The following VPS41 variants were observed in gnomAD, a reference collection of about 807,000 sequenced individuals.
The protein encoded by VPS41 is vacuolar protein sorting-associated protein 41 homolog.
In VPS41, 85 loss-of-function variants were observed where a neutral mutation model predicts 130.9. That is an observed-to-expected ratio of 0.65 (90% CI 0.55 to 0.78). The LOEUF (loss-of-function observed/expected upper bound fraction) is 0.78, where lower values mean the gene tolerates loss of function less well. VPS41 is among the 30% of genes least tolerant of loss of function. The pLI, the probability that VPS41 is intolerant of heterozygous loss-of-function variation, is 0.00. For missense variants in VPS41, 874 were observed against 1,018.7 expected, an observed-to-expected ratio of 0.86 and a Z score of 1.93; for synonymous variants, 335 against 332.9, an observed-to-expected ratio of 1.01 and a Z score of -0.07.
rs1172769231 is a variant in VPS41, at chr7:38,803,200, C to A, written c.451-6336G>T. On this transcript the variant is annotated intron_variant, in intron 7 of 28. Coordinates refer to ENST00000310301, the MANE Select transcript of VPS41 (RefSeq NM_014396.4). ...CATGTGTGGCAAGATTCTTATCAGG[C>A]TGTAATGAAGTCCCCGATTCTGGTC... 3.3e-5 allele frequency among the ~76,000 whole-genome samples: 5 copies of A among 152,210 alleles called. No homozygotes were observed. In the East Asian group the frequency reaches 9.6e-4, roughly 29 times the overall value.
At chr7:38,760,619 T>G (rs1783890601) in intron 17 of VPS41, among the ~76,000 whole-genome samples, 1 of 152,034 alleles carries the variant, frequency 6.6e-6, no homozygotes, top group South Asian at 2.1e-4. Context: ...CTCTTTCCCC[T>G]TTAAATTTTG....
At chr7:38,901,942 A>C (rs1197785906) in intron 1 of VPS41, among the ~76,000 whole-genome samples, 1 of 152,222 alleles carries the variant, frequency 6.6e-6, no homozygotes, top group Admixed American at 6.5e-5. Flanking sequence ...ACTATAATAA[A>C]GTGCTGTTGA....
At chr7:38,901,951 G>C (rs1787154920) in intron 1 of VPS41, among the ~76,000 whole-genome samples, 2 of 152,150 alleles carry the variant, frequency 1.3e-5, no homozygotes, top group African/African-American at 4.8e-5. Flanking sequence ...AAGTGCTGTT[G>C]ATCAAAGCAA....
intron 2 of VPS41, among the ~76,000 whole-genome samples, chr7:38,883,115 C>G (rs1305701984): frequency 6.6e-6 from 1 of 152,142 alleles, no homozygotes; most frequent in Non-Finnish European, 1.5e-5. Flanking sequence ...TGGTGGCATG[C>G]ACCTGTACTC....
At chr7:38,753,313 C>T (rs766471542) in intron 21 of VPS41, among the ~76,000 whole-genome samples, 2 of 152,046 alleles carry the variant, frequency 1.3e-5, no homozygotes, top group African/African-American at 4.8e-5. Context: ...CACAATGACG[C>T]CTAACCATGG....
chr7:38,825,499 C>G (rs1785253916), intron 5 of VPS41, among the ~76,000 whole-genome samples: 1 of 152,124 alleles, frequency 6.6e-6, no homozygotes, highest in Admixed American at 6.5e-5. Flanking sequence ...GAAAATCACA[C>G]TTATCTGTAA....
intron 4 of VPS41, among the ~76,000 whole-genome samples, chr7:38,834,071 G>A (rs1242010079): frequency 6.6e-6 from 1 of 150,394 alleles, no homozygotes; most frequent in African/African-American, 2.5e-5. Flanking sequence ...GCTACAAAAA[G>A]TTTTTGATGA....
At chr7:38,816,891 A>T (rs1451717280) in intron 7 of VPS41, among the ~76,000 whole-genome samples, 1 of 152,074 alleles carries the variant, frequency 6.6e-6, no homozygotes, top group Non-Finnish European at 1.5e-5. Flanking sequence ...GACTAGAGGC[A>T]TACCACCACA....
chr7:38,901,652 A>G (rs147420220), intron 1 of VPS41, among the ~76,000 whole-genome samples: 326 of 152,264 alleles, frequency 2.1e-3, no homozygotes, highest in Non-Finnish European at 2.9e-3. Flanking sequence ...GGGGAACATG[A>G]GATTTTAGGT....
At chr7:38,761,976 A>C (rs781532953) in intron 17 of VPS41, among the ~76,000 whole-genome samples, 3 of 152,176 alleles carry the variant, frequency 2.0e-5, no homozygotes, top group Non-Finnish European at 4.4e-5. Context: ...ACCATTAATA[A>C]TAATGCTCAG....
intron 25 of VPS41, among the ~76,000 whole-genome samples, chr7:38,735,510 C>A (rs1295629162): frequency 3.3e-5 from 5 of 151,542 alleles, no homozygotes. Context: ...TGTGTGTGTA[C>A]ATGTGTATAT....
chr7:38,810,418 C>G (rs780657844), intron 7 of VPS41, among the ~76,000 whole-genome samples: 1 of 152,014 alleles, frequency 6.6e-6, no homozygotes. Context: ...AAAGTATGTT[C>G]TAATTACTTT....
rs534249813 is a variant in VPS41 at position 38,758,271 on chromosome 7, C to T, written c.1550+83G>A. 34 of 1,288,874 alleles carry T rather than the reference C, an allele frequency of 2.6e-5. No individual in the cohort carries two copies. In the South Asian group the frequency reaches 5.1e-4, roughly 19 times the overall value. The allele number at this position is 1,288,874 out of a possible 1,614,324, so 79.8% of individuals were successfully genotyped here. A position where few individuals can be genotyped will look rare whatever the true frequency, so the allele number is the denominator to read the frequency against. ...AAAATGGTATAAAATACATCTTCTC[C>T]ACTTGGAGTTTGCCAAATCTAAAGT... On this transcript the variant is annotated intron_variant, in intron 18 of 28. Transcript: ENST00000310301.
intron 10 of VPS41, 52 bp from the exon 11 acceptor site, chr7:38,776,828 A>T (rs754507279): frequency 2.9e-6 from 3 of 1,025,240 alleles, no homozygotes; most frequent in East Asian, 4.8e-5. Context: ...AAACAGCAGC[A>T]CACATCTGGA....
At chr7:38,834,588 G>T (rs974156020) in intron 4 of VPS41, among the ~76,000 whole-genome samples, 5 of 152,114 alleles carry the variant, frequency 3.3e-5, no homozygotes, top group Admixed American at 6.5e-5. Context: ...AGAGTCACAT[G>T]GTTTACTCTC....
intron 9 of VPS41, among the ~76,000 whole-genome samples, chr7:38,794,675 A>G (rs1192574942): frequency 6.6e-6 from 1 of 152,242 alleles, no homozygotes; most frequent in Non-Finnish European, 1.5e-5. Context: ...AAAATGGAGA[A>G]GCTGGACTTG....
chr7:38,804,127 T>C (rs1368757217), intron 7 of VPS41, among the ~76,000 whole-genome samples: 2 of 152,186 alleles, frequency 1.3e-5, no homozygotes, highest in Non-Finnish European at 1.5e-5. Context: ...CAAATGCCAC[T>C]TGCTTACAAA....
intron 1 of VPS41, among the ~76,000 whole-genome samples, chr7:38,902,800 G>C (rs1002094269): frequency 6.6e-6 from 1 of 152,198 alleles, no homozygotes; most frequent in Non-Finnish European, 1.5e-5. Flanking sequence ...GAGGTTGCCA[G>C]GCACTCAGCC....
intron 25 of VPS41, among the ~76,000 whole-genome samples, chr7:38,737,647 C>T (rs534312500): frequency 1.4e-4 from 22 of 152,272 alleles, no homozygotes; most frequent in African/African-American, 4.8e-4. Flanking sequence ...GGGAGAACCA[C>T]GTGGCATGAT....
Sources: gnomAD v4.1 joint callset for allele counts (sites outside exome capture counted in the v4.1 genomes callset) on GRCh38, gnomAD v4.1.1 for gene constraint, MANE v1.5 for transcripts, NCBI Gene and HGNC (gene_info 2026-07-23, HGNC 2026-07-21) for gene names.